The following AGFG1 variants were observed in gnomAD, a reference collection of about 807,000 sequenced individuals.
AGFG1 encodes arf-GAP domain and FG repeat-containing protein 1.
AGFG1 carries 10 observed loss-of-function variants against 60.6 expected under a neutral mutation model. The ratio of observed to expected loss-of-function variants is 0.16; its 90% CI spans 0.10 to 0.28. AGFG1 has a LOEUF of 0.28. Among genes scored for constraint, AGFG1 ranks in the 10% least tolerant of loss-of-function variants. The pLI, the probability that AGFG1 is intolerant of heterozygous loss-of-function variation, is 1.00. For missense variants in AGFG1, 537 were observed against 676.5 expected, an observed-to-expected ratio of 0.79 and a Z score of 2.29; for synonymous variants, 247 against 242.9, an observed-to-expected ratio of 1.02 and a Z score of -0.16.
chr2:227,516,536 T>A (rs559985310), intron 2 of AGFG1, among the ~76,000 whole-genome samples: 1 of 152,198 alleles, frequency 6.6e-6, no homozygotes, highest in African/African-American at 2.4e-5. Context: ...CAGCTATTTT[T>A]AATGACTTTT....
intron 2 of AGFG1, among the ~76,000 whole-genome samples, chr2:227,514,274 C>T (rs764169082): frequency 2.6e-5 from 4 of 152,140 alleles, no homozygotes; most frequent in Admixed American, 1.3e-4. Flanking sequence ...TACAGTGGCA[C>T]GATCTCAGCT....
chr2:227,504,159 G>A (rs956840230), intron 2 of AGFG1, among the ~76,000 whole-genome samples: 1 of 151,934 alleles, frequency 6.6e-6, no homozygotes, highest in Non-Finnish European at 1.5e-5. Flanking sequence ...GTGGAGGGGA[G>A]GCGGAAGAGG....
At position 227,534,838 on chromosome 2, in the gene AGFG1, T is replaced by C. The variant is rs1277992923; in HGVS notation, c.1025-7T>C. 4.3e-6 allele frequency: 7 copies of C among 1,610,040 alleles called. No individual in the cohort carries two copies. Among genetic ancestry groups the C allele is most frequent in the Non-Finnish European group, 5.1e-6 (6 of 1,178,164 alleles). ...TTTTGGTGTAACTTGATTTTGTTCG[T>C]TCCCAGGTGGTGATCAGGGAAGTGG... On this transcript the variant is annotated splice_region_variant and splice_polypyrimidine_tract_variant and intron_variant, in intron 7 of 12. Transcript: ENST00000310078.
intron 10 of AGFG1, among the ~76,000 whole-genome samples, chr2:227,551,251 C>G (rs2106243717): frequency 6.6e-6 from 1 of 152,322 alleles, no homozygotes; most frequent in South Asian, 2.1e-4. Flanking sequence ...ATTTCGATAG[C>G]TCAGTTGCCC....
intron 10 of AGFG1, among the ~76,000 whole-genome samples, chr2:227,544,103 C>T (rs1386677520): frequency 3.3e-5 from 5 of 150,168 alleles, no homozygotes; most frequent in South Asian, 2.1e-4. Flanking sequence ...GAATACAGCA[C>T]GCTGATAGGT....
intron 1 of AGFG1, among the ~76,000 whole-genome samples, chr2:227,473,030 C>A (rs538016316): frequency 1.5e-5 from 2 of 132,648 alleles, no homozygotes; most frequent in South Asian, 2.7e-4. Flanking sequence ...CGCCTCTCAG[C>A]GGCCCGGGAG....
intron 2 of AGFG1, among the ~76,000 whole-genome samples, chr2:227,493,924 TTTTG>T (rs1198084045): frequency 6.6e-6 from 1 of 152,166 alleles, no homozygotes; most frequent in African/African-American, 2.4e-5. Flanking sequence ...ATTTGTTGGT[TTTTG>T]AGGGTAACTA....
chr2:227,488,650 C>T (rs1027886110), intron 1 of AGFG1, among the ~76,000 whole-genome samples: 1 of 152,054 alleles, frequency 6.6e-6, no homozygotes, highest in Non-Finnish European at 1.5e-5. Context: ...AATTCCTTTG[C>T]GAATTGTTTT....
At chr2:227,495,743 TA>T (rs1690952854) in intron 2 of AGFG1, among the ~76,000 whole-genome samples, 1 of 152,008 alleles carries the variant, frequency 6.6e-6, no homozygotes, top group Admixed American at 6.6e-5. Context: ...TATTTTGAAA[TA>T]TGTATAGTTT....
chr2:227,543,641 G>A (rs1456691252), intron 10 of AGFG1, among the ~76,000 whole-genome samples: 4 of 152,190 alleles, frequency 2.6e-5, no homozygotes, highest in Non-Finnish European at 5.9e-5. Context: ...GTTGATTTGG[G>A]ATGAAGAGTT....
rs1186672371 is a variant in AGFG1, at chr2:227,559,151, C to G, written c.*4656C>G. 6.6e-6 allele frequency: 1 copy of G among 152,200 alleles called. No homozygotes were observed. The highest frequency in any genetic ancestry group is 2.4e-5 in the African/African-American group (1 of 41,468). The allele number at this position is 152,200 out of a possible 1,614,324, so 9.4% of individuals were successfully genotyped here. ...ATTCAAGGCTTACACTGAATTCTGT[C>G]TGCAGTTCTGTTTTGTGTGACCAGC... On this transcript the variant is annotated 3_prime_UTR_variant, in exon 13 of 13. Transcript: ENST00000310078.
At chr2:227,527,189 G>A (rs1040613089) in intron 5 of AGFG1, among the ~76,000 whole-genome samples, 1 of 152,126 alleles carries the variant, frequency 6.6e-6, no homozygotes, top group Non-Finnish European at 1.5e-5. Flanking sequence ...CTTATTATCT[G>A]TGTAACTTTG....
intron 1 of AGFG1, among the ~76,000 whole-genome samples, chr2:227,483,789 C>T (rs76411594): frequency 0.011 from 1,743 of 152,130 alleles, 36 homozygotes; most frequent in African/African-American, 0.04. Context: ...TTTGGGTGAA[C>T]GTAAGTTTTC....
chr2:227,532,241 C>G lies in AGFG1; in HGVS notation c.814+1031C>G, dbSNP rs530858857. 7.3e-4 allele frequency: 1,092 copies of G among 1,489,692 alleles called. 1 individual carries two copies. Among genetic ancestry groups the G allele is most frequent in the South Asian group, 1.1e-3 (89 of 78,232 alleles). 92.3% of individuals were successfully genotyped at this position (1,489,692 alleles called of 1,614,324 possible). Reference sequence around the variant, plus strand: ...TCTGTTGTCAAGTAGGCATCTTATACTAATTTGTATATTTTTGCTATACTT... The same window carrying G: ...TCTGTTGTCAAGTAGGCATCTTATAGTAATTTGTATATTTTTGCTATACTT... On this transcript the variant is annotated intron_variant, in intron 6 of 12. Transcript: ENST00000310078.
chr2:227,497,609 A>G (rs745819619), intron 2 of AGFG1, among the ~76,000 whole-genome samples: 31 of 151,608 alleles, frequency 2.0e-4, no homozygotes, highest in South Asian at 6.2e-4. Context: ...TTTCTTCTGT[A>G]TTGGTCTTAC....
intron 1 of AGFG1, among the ~76,000 whole-genome samples, chr2:227,489,209 A>G (rs1323034779): frequency 7.0e-6 from 1 of 143,752 alleles, no homozygotes; most frequent in East Asian, 2.1e-4. Context: ...GTTTCTTCAG[A>G]GTTAGTTTTG....
Position 227,531,077 on chromosome 2 carries a change from C to T in AGFG1, c.695-14C>T, listed in dbSNP as rs1289470539. 2.5e-6 allele frequency: 4 copies of T among 1,603,536 alleles called. No individual in the cohort carries two copies. Among genetic ancestry groups the T allele is most frequent in the Non-Finnish European group, 3.4e-6 (4 of 1,174,150 alleles). On this transcript the variant is annotated splice_polypyrimidine_tract_variant and intron_variant, in intron 5 of 12. Transcript: ENST00000310078. ...TCATATTCATTAACATATGTTGTTC[C>T]TTACCATTTACAGCTCAGAATTCTG...
In AGFG1 at chr2:227,476,502, G is replaced by T. The variant is rs1690284097; in HGVS notation, c.167+3914G>T. Among the ~76,000 whole-genome samples the T allele has an allele frequency of 2.0e-5, 3 of 152,280 alleles. No homozygotes were observed. The East Asian group carries it at 5.8e-4, about 29-fold the overall frequency. Reference sequence around the variant, plus strand: ...TTAGATAAAATAAAAAATAACATTTGAGAAAGAGGTTGCCACTTTAATACC... The same window carrying T: ...TTAGATAAAATAAAAAATAACATTTTAGAAAGAGGTTGCCACTTTAATACC... On this transcript the variant is annotated intron_variant, in intron 1 of 12. Coordinates refer to ENST00000310078, the MANE Select transcript of AGFG1 (RefSeq NM_004504.5).
chr2:227,535,399 T>G (rs1193704972), intron 8 of AGFG1, among the ~76,000 whole-genome samples: 1 of 152,202 alleles, frequency 6.6e-6, no homozygotes, highest in Non-Finnish European at 1.5e-5. Context: ...AAGTCCCATA[T>G]TATAGGCTTA....
Sources: allele counts gnomAD v4.1 joint callset (sites outside exome capture counted in the v4.1 genomes callset), GRCh38; gene constraint gnomAD v4.1.1; transcripts MANE v1.5; gene names NCBI Gene and HGNC (gene_info 2026-07-23, HGNC 2026-07-21).